Variants in TTLL5 observed in about 807,000 individuals in gnomAD.
TTLL5 encodes tubulin tyrosine ligase like 5.
Under a neutral mutation model 168.4 loss-of-function variants are expected in TTLL5, and 132 were observed. That is an observed-to-expected ratio of 0.78 (90% confidence interval 0.68 to 0.91). The LOEUF (loss-of-function observed/expected upper bound fraction) is 0.91, where lower values mean the gene tolerates loss of function less well. Among genes scored for constraint, TTLL5 ranks in the 40% least tolerant of loss-of-function variants. The pLI, the probability that TTLL5 is intolerant of heterozygous loss-of-function variation, is 0.00. For missense variants in TTLL5, 1,545 were observed against 1,581.5 expected (o/e 0.98, Z 0.39); for synonymous variants, 546 against 558.6 (o/e 0.98, Z 0.32).
chr14:75,684,450 A>G (rs1297132281), intron 5 of TTLL5: 1 of 152,148 alleles, frequency 6.6e-6, no homozygotes, highest in Non-Finnish European at 1.5e-5. Context: ...GGTAGTTTCT[A>G]TTTCTTTGTT....
At chr14:75,942,606 C>T (rs2034645875) in intron 31 of TTLL5, among the ~76,000 whole-genome samples, 1 of 152,308 alleles carries the variant, frequency 6.6e-6, no homozygotes, top group South Asian at 2.1e-4. Flanking sequence ...CTTATGCTTC[C>T]AAATGAGCAC....
chr14:75,747,171 C>G (rs1460875072), intron 17 of TTLL5, among the ~76,000 whole-genome samples: 1 of 151,616 alleles, frequency 6.6e-6, no homozygotes, highest in East Asian at 1.9e-4. Flanking sequence ...CTGTGTGTCT[C>G]TAAGGTCATT....
chr14:75,710,431 C>CACAT, intron 9 of TTLL5: 1 of 151,656 alleles, frequency 6.6e-6, no homozygotes, highest in South Asian at 2.1e-4. Flanking sequence ...CACACACACA[C>CACAT]ACACACAATG....
intron 15 of TTLL5, among the ~76,000 whole-genome samples, chr14:75,737,074 A>G (rs1888958328): frequency 1.3e-5 from 2 of 152,232 alleles, no homozygotes; most frequent in South Asian, 4.1e-4. Context: ...TTCTAGAGGT[A>G]GCTGTATTGC....
chr14:75,875,716 A>G (rs2140001307), intron 29 of TTLL5, among the ~76,000 whole-genome samples: 1 of 152,306 alleles, frequency 6.6e-6, no homozygotes, highest in South Asian at 2.1e-4. Flanking sequence ...ATAGATAGGG[A>G]AAAATGCTCA....
chr14:75,755,133 G>A (rs567797874), intron 18 of TTLL5, among the ~76,000 whole-genome samples: 6 of 152,012 alleles, frequency 3.9e-5, no homozygotes, highest in East Asian at 1.9e-4. Context: ...GCTTGGTGGC[G>A]CATGCCTATA....
At chr14:75,776,970 G>A in intron 23 of TTLL5, 120 bp downstream of exon 23, 1 of 735,744 alleles carries the variant, frequency 1.4e-6, no homozygotes. Context: ...CTTAAAGCCG[G>A]GCACAGTGGC....
At chr14:75,900,438 T>C (rs2032873693) in intron 30 of TTLL5, among the ~76,000 whole-genome samples, 1 of 152,190 alleles carries the variant, frequency 6.6e-6, no homozygotes, top group South Asian at 2.1e-4. Context: ...AGACACCACC[T>C]GACTCTCCAG....
chr14:75,737,987 TA>T (rs1037648506), intron 15 of TTLL5, among the ~76,000 whole-genome samples: 4 of 152,184 alleles, frequency 2.6e-5, no homozygotes, highest in Non-Finnish European at 4.4e-5. Context: ...CTGTTGTCTA[TA>T]GCTTAATATT....
chr14:75,852,393 T>A (rs1467557588), intron 28 of TTLL5, among the ~76,000 whole-genome samples: 1 of 152,244 alleles, frequency 6.6e-6, no homozygotes, highest in Non-Finnish European at 1.5e-5. Flanking sequence ...AAACAAATTA[T>A]TTAGAAGTTT....
At chr14:75,705,109 A>C (rs1241146839) in intron 7 of TTLL5, among the ~76,000 whole-genome samples, 1 of 152,238 alleles carries the variant, frequency 6.6e-6, no homozygotes, top group East Asian at 1.9e-4. Context: ...GCAGATTCAA[A>C]ATGGAGATAG....
At chr14:75,773,957 A>AGAGAGAG (rs1891536422) in intron 21 of TTLL5, among the ~76,000 whole-genome samples, 16 of 43,328 alleles carry the variant, frequency 3.7e-4, no homozygotes, top group South Asian at 1.1e-3. Flanking sequence ...GAGAGAGAGA[A>AGAGAGAG]AGAGAGAGAG....
intron 31 of TTLL5, among the ~76,000 whole-genome samples, chr14:75,949,569 AGCCTG>A: frequency 6.6e-6 from 1 of 151,750 alleles, no homozygotes; most frequent in Non-Finnish European, 1.5e-5. Context: ...TACAGTTTGT[AGCCTG>A]GCCTGGTGGT....
intron 30 of TTLL5, among the ~76,000 whole-genome samples, chr14:75,896,930 G>T (rs1474714297): frequency 6.6e-6 from 1 of 152,124 alleles, no homozygotes; most frequent in Non-Finnish European, 1.5e-5. Flanking sequence ...GTGTGGTCTT[G>T]ATGCCAGTGG....
intron 3 of TTLL5, among the ~76,000 whole-genome samples, chr14:75,680,661 C>G (rs915730289): frequency 3.9e-5 from 5 of 127,720 alleles, no homozygotes; most frequent in African/African-American, 1.6e-4. Context: ...TTGCTCTTGT[C>G]CCCCAGGCTG....
At chr14:75,683,769 A>C in intron 5 of TTLL5, 113 bp downstream of exon 5, 1 of 811,116 alleles carries the variant, frequency 1.2e-6, no homozygotes, top group Non-Finnish European at 1.9e-6. Context: ...ATGAAGAAGA[A>C]GAAGGACTTT....
At chr14:75,671,046 A>C (rs1352159818) in intron 3 of TTLL5, among the ~76,000 whole-genome samples, 1 of 152,154 alleles carries the variant, frequency 6.6e-6, no homozygotes, top group African/African-American at 2.4e-5. Context: ...TTTAGGGCTC[A>C]ATAGTCTTTG....
intron 31 of TTLL5, among the ~76,000 whole-genome samples, chr14:75,907,718 G>A (rs1397779637): frequency 2.0e-5 from 3 of 152,186 alleles, no homozygotes; most frequent in African/African-American, 7.2e-5. Flanking sequence ...TGGAGAAACT[G>A]AAAACAACCA....
intron 31 of TTLL5, chr14:75,904,387 G>T (rs1466510951): frequency 4.8e-6 from 2 of 413,932 alleles, no homozygotes; most frequent in Non-Finnish European, 6.5e-6. Context: ...CTTCAAGTTT[G>T]CTTCTGCTGG....
Sources: gnomAD v4.1 joint callset for allele counts (sites outside exome capture counted in the v4.1 genomes callset) on GRCh38, gnomAD v4.1.1 for gene constraint, MANE v1.5 for transcripts, NCBI Gene and HGNC (gene_info 2026-07-23, HGNC 2026-07-21) for gene names.